CCDC80: variants seen among roughly 807,000 people sequenced by gnomAD.
CCDC80 encodes coiled-coil domain containing 80.
A neutral mutation model predicts 78.7 loss-of-function variants in CCDC80; 49 were observed. That is an observed-to-expected ratio of 0.62 (90% CI 0.50 to 0.79). The LOEUF is 0.79. Among genes scored for constraint, CCDC80 ranks in the 30% least tolerant of loss-of-function variants. The pLI is 0.00. For missense variants in CCDC80, 1,205 were observed against 1,198.6 expected, an observed-to-expected ratio of 1.01 and a Z score of -0.08; for synonymous variants, 488 against 447.0, an observed-to-expected ratio of 1.09 and a Z score of -1.16.
rs1414623331 is a variant in CCDC80 at position 112,638,306 on chromosome 3, CT to C, written c.1599del (p.Ala534GlnfsTer21). On this transcript the variant is annotated frameshift_variant, in exon 2 of 8. Transcript: ENST00000206423. LOFTEE classifies it high-confidence loss of function. ...TTTTCATGCTTTTTAGACTCCTTTGCTTTTTTAAGGGGAACATTCCCCACCT... is the reference window on the plus strand; with the variant it reads ...TTTTCATGCTTTTTAGACTCCTTTGCTTTTTAAGGGGAACATTCCCCACCT... ...ELQVGNVPLKKAKESKKHEKL... is the reference protein window; with the variant it reads ...ELQVGNVPLKXAKESKKHEKL... 2.5e-6 allele frequency: 4 copies of C among 1,613,982 alleles called. No homozygotes were observed. The highest frequency in any genetic ancestry group is 3.4e-6 in the Non-Finnish European group (4 of 1,180,004).
Position 112,621,547 on chromosome 3 carries a change from A to C in CCDC80, c.2036-2443T>G, listed in dbSNP as rs1935868625. Among the ~76,000 whole-genome samples the C allele has an allele frequency of 2.6e-5, 4 of 152,190 alleles. No individual in the cohort carries two copies. The South Asian group carries it at 8.3e-4, about 32-fold the overall frequency. ...TGAATGCTTACTGTATGTGCCACTA[A>C]GGTTTGTGGTCTTTGTTACCTCACC... is the stretch of plus-strand genomic sequence containing the variant. On this transcript the variant is annotated intron_variant, in intron 3 of 7. Coordinates refer to ENST00000206423, the MANE Select transcript of CCDC80 (RefSeq NM_199511.3).
At chr3:112,629,363 A>G (rs561406119) in intron 3 of CCDC80, among the ~76,000 whole-genome samples, 1 of 152,160 alleles carries the variant, frequency 6.6e-6, no homozygotes, top group African/African-American at 2.4e-5. Flanking sequence ...TAAAAAATAA[A>G]GCCCTAGAGA....
At position 112,603,197 on chromosome 3, in the gene CCDC80, T is replaced by C. The variant is rs1441635976; in HGVS notation, c.*2220A>G. The stretch of plus-strand genomic sequence containing the variant: ...GGACATTTTAAGCTCACTTTTTGAG[T>C]CTTACTGCTCAGAAAAAAAAAGAAT... On this transcript the variant is annotated 3_prime_UTR_variant, in exon 8 of 8. Transcript: ENST00000206423. 1 of 151,992 alleles carries C rather than the reference T, an allele frequency of 6.6e-6. No individual in the cohort carries two copies. Among genetic ancestry groups the C allele is most frequent in the East Asian group, 1.9e-4 (1 of 5,184 alleles). 9.4% of individuals were successfully genotyped at this position (151,992 alleles called of 1,614,324 possible). A position where few individuals can be genotyped will look rare whatever the true frequency, so the allele number is the denominator to read the frequency against.
chr3:112,614,599 C>A lies in CCDC80; in HGVS notation c.2321+2111G>T, dbSNP rs557837708. On this transcript the variant is annotated intron_variant, in intron 5 of 7. Transcript: ENST00000206423. ...CCCTACGGCTGAGTTGATTTTAAGT[C>A]CTTATGAAGGTGTGTGCCTTCTGTT... 7.9e-5 allele frequency among the ~76,000 whole-genome samples: 12 copies of A among 151,648 alleles called. No homozygotes were observed. In the South Asian group the frequency reaches 1.5e-3, roughly 18 times the overall value.
At position 112,639,628 on chromosome 3, in the gene CCDC80, G is replaced by A. The variant is rs773018733; in HGVS notation, c.278C>T (p.Ala93Val). 5 of 1,614,004 alleles carry A rather than the reference G, an allele frequency of 3.1e-6. No individual in the cohort carries two copies. The highest frequency in any genetic ancestry group is 3.3e-5 in the Admixed American group (2 of 60,002). ...LRLARPTEPP[A>V]RSDINGAAVR... ...GGCGGCCCCATTGATGTCCGAGCGGGCTGGCGGCTCTGTTGGGCGAGCTAG... is the reference window on the plus strand; with the variant it reads ...GGCGGCCCCATTGATGTCCGAGCGGACTGGCGGCTCTGTTGGGCGAGCTAG... Residue 93 changes from alanine to valine, a missense_variant, in exon 2 of 8, where the codon GCC becomes GTC. Coordinates refer to ENST00000206423, the MANE Select transcript of CCDC80 (RefSeq NM_199511.3).
chr3:112,638,301 C>T lies in CCDC80; in HGVS notation c.1605G>A (p.Lys535=). 1 of 1,614,016 alleles carries T rather than the reference C, an allele frequency of 6.2e-7. No homozygotes were observed. The highest frequency in any genetic ancestry group is 8.5e-7 in the Non-Finnish European group (1 of 1,180,026). ...QVGNVPLKKA[K]ESKKHEKLEK... is the part of the protein sequence containing the mutation. ...CAAGCTTTTCATGCTTTTTAGACTC[C>T]TTTGCTTTTTTAAGGGGAACATTCC... Residue 535 remains lysine (K), a synonymous_variant, in exon 2 of 8, where the codon AAG becomes AAA. Transcript: ENST00000206423.
At chr3:112,612,860 C>T (rs902036819) in intron 5 of CCDC80, among the ~76,000 whole-genome samples, 4 of 140,558 alleles carry the variant, frequency 2.8e-5, no homozygotes, top group Non-Finnish European at 6.1e-5. Context: ...AATTACAGGA[C>T]TGTAATTTTT....
At chr3:112,636,496 T>C (rs913510862) in intron 2 of CCDC80, among the ~76,000 whole-genome samples, 2 of 152,186 alleles carry the variant, frequency 1.3e-5, no homozygotes, top group Non-Finnish European at 2.9e-5. Context: ...CTACTATCAA[T>C]GTAAACAGCT....
intron 2 of CCDC80, among the ~76,000 whole-genome samples, chr3:112,632,748 C>T (rs929243306): frequency 6.6e-6 from 1 of 152,296 alleles, no homozygotes; most frequent in East Asian, 1.9e-4. Context: ...TGTTTATTTT[C>T]ACTGCAGACC....
chr3:112,637,107 A>G (rs941240460), intron 2 of CCDC80, among the ~76,000 whole-genome samples: 1 of 152,202 alleles, frequency 6.6e-6, no homozygotes, highest in Non-Finnish European at 1.5e-5. Flanking sequence ...AGTTGCTGAG[A>G]TGAATCTGTG....
Position 112,637,569 on chromosome 3 carries a change from C to T in CCDC80, c.1878+459G>A, listed in dbSNP as rs551464068. ...TTGTCCCATAGACATGATTCTAGTT[C>T]CTAAGTCAGACAGAGAGAAACCCTT... is the stretch of plus-strand genomic sequence containing the variant. On this transcript the variant is annotated intron_variant, in intron 2 of 7. Coordinates refer to ENST00000206423, the MANE Select transcript of CCDC80 (RefSeq NM_199511.3). Among the ~76,000 whole-genome samples the T allele has an allele frequency of 3.9e-5, 6 of 152,236 alleles. No homozygotes were observed. In the South Asian group the frequency reaches 1.2e-3, roughly 32 times the overall value.
rs566380737 is a variant in CCDC80, at chr3:112,599,214, C to A, written c.*6203G>T. 1 of 152,216 alleles carries A rather than the reference C, an allele frequency of 6.6e-6. No individual in the cohort carries two copies. 9.4% of individuals were successfully genotyped at this position (152,216 alleles called of 1,614,324 possible). On this transcript the variant is annotated 3_prime_UTR_variant, in exon 8 of 8. Coordinates refer to ENST00000206423, the MANE Select transcript of CCDC80 (RefSeq NM_199511.3). ...GGACAGGCACCCAGTTTTCCCAAGT[C>A]CAGTGGCCTTTTCATGATACCCATT...
At chr3:112,611,103 CG>C (rs1935617216) in intron 5 of CCDC80, among the ~76,000 whole-genome samples, 1 of 151,870 alleles carries the variant, frequency 6.6e-6, no homozygotes, top group African/African-American at 2.4e-5. Context: ...TTAGTAGAGA[CG>C]GGGTTTCACT....
At position 112,607,169 on chromosome 3, in the gene CCDC80, A is replaced by C; in HGVS notation, c.2506+7T>G. The C allele has an allele frequency of 1.3e-6, 2 of 1,598,446 alleles. No homozygotes were observed. The highest frequency in any genetic ancestry group is 1.7e-6 in the Non-Finnish European group (2 of 1,168,458). On this transcript the variant is annotated splice_region_variant and intron_variant, in intron 7 of 7. Coordinates refer to ENST00000206423, the MANE Select transcript of CCDC80 (RefSeq NM_199511.3). ...GTTCATACTGTTTCAAGATAACAAC[A>C]CATTACCATTAATTGGGAACAGTTC... is the stretch of plus-strand genomic sequence containing the variant.
chr3:112,610,398 T>C, intron 5 of CCDC80: 1 of 369,356 alleles, frequency 2.7e-6, no homozygotes, highest in Non-Finnish European at 5.1e-6. Flanking sequence ...CAGGCCAAAA[T>C]TGTACATTAA....
intron 2 of CCDC80, among the ~76,000 whole-genome samples, chr3:112,633,462 A>G (rs927651074): frequency 2.0e-5 from 3 of 152,066 alleles, no homozygotes; most frequent in African/African-American, 7.2e-5. Flanking sequence ...TTCATTTACT[A>G]TATAACTGTC....
chr3:112,606,398 T>TTTTTGTTTTGTTTTGTTTTG (rs142395604), intron 7 of CCDC80, among the ~76,000 whole-genome samples: 8 of 147,818 alleles, frequency 5.4e-5, no homozygotes, highest in South Asian at 2.1e-4. Context: ...CAAGAGTCTT[T>TTTTTGTTTTGTTTTGTTTTG]TTTTGTTTTG....
In CCDC80 at chr3:112,606,398, T is replaced by TTTTTGTTTTGTTTTG. The variant is rs142395604; in HGVS notation, c.2507-650_2507-636dup. Among the ~76,000 whole-genome samples the TTTTTGTTTTGTTTTG allele has an allele frequency of 3.1e-3, 454 of 147,920 alleles. 3 individuals carry two copies. The highest frequency in any genetic ancestry group is 0.01 in the African/African-American group (401 of 38,318). On this transcript the variant is annotated intron_variant, in intron 7 of 7. Transcript: ENST00000206423. ...TCTGAAAACTTCAGTCAAGAGTCTT[T>TTTTTGTTTTGTTTTG]TTTTGTTTTGTTTTGTTTTGTTTTG...
chr3:112,639,598 C>G lies in CCDC80; in HGVS notation c.308G>C (p.Arg103Thr). The G allele has an allele frequency of 6.2e-7, 1 of 1,614,178 alleles. No individual in the cohort carries two copies. Among genetic ancestry groups the G allele is most frequent in the Non-Finnish European group, 8.5e-7 (1 of 1,180,044 alleles). The stretch of plus-strand genomic sequence containing the variant: ...CCTGGCTGCTGGTCTTTGCTCAGGT[C>G]TCACGGCGGCCCCATTGATGTCCGA... ...ARSDINGAAV[R>T]PEQRPAARGS... The change falls in exon 2 of 8, where the codon AGA becomes ACA. Residue 103 changes from arginine (R) to threonine (T), a missense_variant. Transcript: ENST00000206423.
Sources: allele counts gnomAD v4.1 joint callset (sites outside exome capture counted in the v4.1 genomes callset), GRCh38; gene constraint gnomAD v4.1.1; transcripts MANE v1.5; gene names NCBI Gene and HGNC (gene_info 2026-07-23, HGNC 2026-07-21).